MYO3A: variants seen among roughly 807,000 people sequenced by gnomAD.
MYO3A encodes myosin IIIA.
MYO3A carries 180 observed loss-of-function variants against 192.7 expected under a neutral mutation model. That is an observed-to-expected ratio of 0.93 (90% confidence interval 0.83 to 1.06). The LOEUF (loss-of-function observed/expected upper bound fraction) is 1.06. Ranked by LOEUF, MYO3A falls within the 50% of genes least tolerant of loss-of-function variation. The pLI is 0.00. For synonymous variants in MYO3A, 628 were observed against 645.3 expected, an observed-to-expected ratio of 0.97 and a Z score of 0.41; for missense variants, 1,896 against 1,905.0, an observed-to-expected ratio of 1.00 and a Z score of 0.09.
At chr10:26,072,611 G>T (rs1359322933) in intron 14 of MYO3A, among the ~76,000 whole-genome samples, 3 of 151,818 alleles carry the variant, frequency 2.0e-5, no homozygotes, top group Non-Finnish European at 4.4e-5. Context: ...TTTTTGAGAG[G>T]CCTGAAGGTG....
At chr10:26,126,827 G>A (rs893712466) in intron 19 of MYO3A, among the ~76,000 whole-genome samples, 3 of 152,014 alleles carry the variant, frequency 2.0e-5, no homozygotes, top group Non-Finnish European at 4.4e-5. Flanking sequence ...TATACTAAAT[G>A]GCAACTTTCC....
chr10:26,174,245 G>A lies in MYO3A; in HGVS notation c.3981G>A (p.Arg1327=). 2 of 1,614,148 alleles carry A rather than the reference G, an allele frequency of 1.2e-6. No individual in the cohort carries two copies. The highest frequency in any genetic ancestry group is 4.5e-5 in the East Asian group (2 of 44,878). The change falls in exon 30 of 35, where the codon AGG becomes AGA. Residue 1327 remains arginine (R), a synonymous_variant. Transcript: ENST00000642920. ...AGGAGGAAGGCAGAGGCCGTCTGAG[G>A]CATGAGACAGTCAAAGAGAGGCAAG... is the stretch of plus-strand genomic sequence containing the variant. ...CSQEEGRGRL[R]HETVKERQVE... is the part of the protein sequence containing the mutation.
At position 26,165,246 on chromosome 10, in the gene MYO3A, C is replaced by T. The variant is rs111521225; in HGVS notation, c.3000-821C>T. ...CTGCATGTCACCGTGCCACCTCAGC[C>T]GTCTACATATCAGGGCCTCTCTTTT... is the stretch of plus-strand genomic sequence containing the variant. On this transcript the variant is annotated intron_variant, in intron 26 of 34. Coordinates refer to ENST00000642920, the MANE Select transcript of MYO3A (RefSeq NM_017433.5). Among the ~76,000 whole-genome samples, 686 of 152,260 alleles carry T rather than the reference C, an allele frequency of 4.5e-3. 1 individual carries two copies. The highest frequency in any genetic ancestry group is 0.02 in the Middle Eastern group (6 of 294).
chr10:26,117,859 G>A lies in MYO3A; in HGVS notation c.1777-2817G>A, dbSNP rs377130258. Among the ~76,000 whole-genome samples the A allele has an allele frequency of 4.6e-4, 70 of 152,282 alleles. 1 individual carries two copies. Among genetic ancestry groups the A allele is most frequent in the African/African-American group, 1.7e-3 (70 of 41,564 alleles). Reference sequence around the variant, plus strand: ...TTATATTCTTTTGGGTATATACCCAGTAATGGAATTGCTGGGTCAGATAGT... The same window carrying A: ...TTATATTCTTTTGGGTATATACCCAATAATGGAATTGCTGGGTCAGATAGT... On this transcript the variant is annotated intron_variant, in intron 17 of 34. Coordinates refer to ENST00000642920, the MANE Select transcript of MYO3A (RefSeq NM_017433.5).
At chr10:26,039,312 G>A (rs72793951) in intron 10 of MYO3A, among the ~76,000 whole-genome samples, 25,029 of 148,570 alleles carry the variant, frequency 0.17, 2,362 homozygotes, top group Non-Finnish European at 0.21. Flanking sequence ...CGCCTGTCTC[G>A]GCCTCCCAAA....
At chr10:26,172,309 C>T (rs1204291161) in intron 29 of MYO3A, among the ~76,000 whole-genome samples, 3 of 152,236 alleles carry the variant, frequency 2.0e-5, no homozygotes, top group Non-Finnish European at 4.4e-5. Context: ...CAGCGGGGAG[C>T]TGGAGAAAGG....
At chr10:26,082,641 A>C (rs1235535641) in intron 14 of MYO3A, among the ~76,000 whole-genome samples, 1 of 152,222 alleles carries the variant, frequency 6.6e-6, no homozygotes, top group East Asian at 1.9e-4. Flanking sequence ...TCCCTATGAT[A>C]AAGTTTAAAT....
At chr10:26,128,277 G>A (rs1839328508) in intron 19 of MYO3A, 114 bp from the exon 20 acceptor site, 7 of 1,070,158 alleles carry the variant, frequency 6.5e-6, no homozygotes, top group Non-Finnish European at 1.0e-5. Context: ...CACTCTAAGT[G>A]TATGTTCTTA....
At chr10:25,947,454 C>T (rs1233527381) in intron 2 of MYO3A, among the ~76,000 whole-genome samples, 2 of 137,078 alleles carry the variant, frequency 1.5e-5, no homozygotes, top group Non-Finnish European at 3.0e-5. Context: ...AGTGCAATGG[C>T]ATGACCTTGG....
At chr10:26,109,568 T>G (rs570250676) in intron 17 of MYO3A, among the ~76,000 whole-genome samples, 2 of 152,316 alleles carry the variant, frequency 1.3e-5, no homozygotes, top group South Asian at 4.1e-4. Context: ...CAGTTCTATC[T>G]GTGATTTCAG....
chr10:25,970,789 TATG>T lies in MYO3A; in HGVS notation c.303+15783_303+15785del, dbSNP rs1588679986. On this transcript the variant is annotated intron_variant, in intron 4 of 34. Transcript: ENST00000642920. ...CATTCAAATGATATTAATGAAATAT[TATG>T]AACAACTTTATATTGATAAGTTTGG... is the stretch of plus-strand genomic sequence containing the variant. Among the ~76,000 whole-genome samples the T allele has an allele frequency of 2.0e-5, 3 of 152,048 alleles. No homozygotes were observed. In the East Asian group the frequency reaches 5.8e-4, roughly 29 times the overall value.
chr10:25,987,574 A>G (rs1437712370), intron 4 of MYO3A, among the ~76,000 whole-genome samples: 1 of 152,236 alleles, frequency 6.6e-6, no homozygotes. Context: ...TCAAAAGAAG[A>G]TATACAAATG....
At chr10:26,184,971 T>A (rs1438329476) in intron 31 of MYO3A, among the ~76,000 whole-genome samples, 1 of 152,222 alleles carries the variant, frequency 6.6e-6, no homozygotes, top group Non-Finnish European at 1.5e-5. Flanking sequence ...TATGCCTCTC[T>A]GAAATATTTG....
At chr10:26,164,836 G>C (rs1266681277) in intron 26 of MYO3A, among the ~76,000 whole-genome samples, 2 of 152,190 alleles carry the variant, frequency 1.3e-5, no homozygotes, top group African/African-American at 4.8e-5. Context: ...GTGAGACCCT[G>C]GCTGGTTCTG....
At chr10:25,961,488 G>T (rs569435081) in intron 4 of MYO3A, among the ~76,000 whole-genome samples, 1 of 152,026 alleles carries the variant, frequency 6.6e-6, no homozygotes, top group South Asian at 2.1e-4. Flanking sequence ...CAGTAGAGTC[G>T]CTACAATTTA....
intron 4 of MYO3A, among the ~76,000 whole-genome samples, chr10:25,961,702 G>A (rs566304041): frequency 6.6e-6 from 1 of 152,264 alleles, no homozygotes; most frequent in Admixed American, 6.5e-5. Flanking sequence ...ATTTGCATAT[G>A]TAAATTAGAC....
chr10:26,107,645 A>G (rs1241737724), intron 17 of MYO3A, among the ~76,000 whole-genome samples: 3 of 152,068 alleles, frequency 2.0e-5, no homozygotes, highest in African/African-American at 7.2e-5. Flanking sequence ...AGAAATTATC[A>G]TGAAATCTTA....
intron 2 of MYO3A, among the ~76,000 whole-genome samples, chr10:25,942,953 A>T (rs1447196338): frequency 6.6e-6 from 1 of 151,780 alleles, no homozygotes; most frequent in East Asian, 1.9e-4. Context: ...GTTCTTACCA[A>T]GTCCAATTTA....
At chr10:26,178,582 G>C (rs1299038118) in intron 31 of MYO3A, among the ~76,000 whole-genome samples, 1 of 149,868 alleles carries the variant, frequency 6.7e-6, no homozygotes, top group East Asian at 2.0e-4. Context: ...AGAAGAAAAA[G>C]AACAACAACA....
Sources: allele counts gnomAD v4.1 joint callset (sites outside exome capture counted in the v4.1 genomes callset), GRCh38; gene constraint gnomAD v4.1.1; transcripts MANE v1.5; gene names NCBI Gene and HGNC (gene_info 2026-07-23, HGNC 2026-07-21).